Variants in MICAL3 observed in about 807,000 individuals in gnomAD.
MICAL3 encodes the protein [F-actin]-monooxygenase MICAL3.
In MICAL3, 62 loss-of-function variants were observed where a neutral mutation model predicts 207.4. The observed-to-expected ratio is 0.30, with a 90% CI of 0.24 to 0.37. MICAL3 has a LOEUF of 0.37. Among genes scored for constraint, MICAL3 ranks in the 10% least tolerant of loss-of-function variants. The pLI is 1.00. For synonymous variants in MICAL3, 1,077 were observed against 1,069.3 expected (o/e 1.01, Z -0.14); for missense variants, 2,368 against 2,635.6 (o/e 0.90, Z 2.22).
At chr22:17,892,222 T>C (rs1323432676) in intron 11 of MICAL3, among the ~76,000 whole-genome samples, 3 of 152,200 alleles carry the variant, frequency 2.0e-5, no homozygotes, top group Non-Finnish European at 4.4e-5. Context: ...GCTTGGCACC[T>C]TGTACTATGA....
intron 1 of MICAL3, among the ~76,000 whole-genome samples, chr22:17,949,209 C>T (rs999977772): frequency 6.6e-6 from 1 of 152,046 alleles, no homozygotes; most frequent in East Asian, 1.9e-4. Flanking sequence ...GAAATTATCT[C>T]GAAAATAAAT....
intron 21 of MICAL3, among the ~76,000 whole-genome samples, chr22:17,828,782 A>G (rs576529768): frequency 6.6e-6 from 1 of 152,316 alleles, no homozygotes; most frequent in South Asian, 2.1e-4. Context: ...CTGGGAAGGG[A>G]AGGTGGCTGT....
chr22:17,925,484 T>C (rs1394928452), intron 1 of MICAL3, among the ~76,000 whole-genome samples: 1 of 152,186 alleles, frequency 6.6e-6, no homozygotes, highest in Non-Finnish European at 1.5e-5. Flanking sequence ...AAGACGATTA[T>C]GGTTCAGTCA....
At chr22:17,821,611 G>A (rs1921650170) in intron 24 of MICAL3, 102 bp from the exon 25 acceptor site, 2 of 938,630 alleles carry the variant, frequency 2.1e-6, no homozygotes, top group Non-Finnish European at 3.2e-6. Flanking sequence ...AGGGTAGAGG[G>A]CGAGTCGCTG....
chr22:17,990,262 A>T (rs1254315269), intron 1 of MICAL3, among the ~76,000 whole-genome samples: 1 of 152,146 alleles, frequency 6.6e-6, no homozygotes, highest in Non-Finnish European at 1.5e-5. Flanking sequence ...TCCCCCTTGG[A>T]GGGCACTGTT....
At chr22:17,989,076 C>T (rs1252702111) in intron 1 of MICAL3, among the ~76,000 whole-genome samples, 2 of 152,304 alleles carry the variant, frequency 1.3e-5, no homozygotes, top group Non-Finnish European at 2.9e-5. Flanking sequence ...ACCTAAAACT[C>T]GACTTCCGCC....
intron 27 of MICAL3, chr22:17,815,816 C>A (rs1015103076): frequency 1.3e-5 from 2 of 152,438 alleles, no homozygotes; most frequent in African/African-American, 4.8e-5. Flanking sequence ...CAGGAGCCAT[C>A]TTCACCAAAT....
chr22:17,852,532 T>C (rs951694644), intron 19 of MICAL3, among the ~76,000 whole-genome samples: 7 of 152,242 alleles, frequency 4.6e-5, no homozygotes, highest in Non-Finnish European at 8.8e-5. Context: ...CGGGGCACCC[T>C]TTCTACAGCA....
At chr22:17,899,812 A>G (rs1931171140) in intron 6 of MICAL3, among the ~76,000 whole-genome samples, 1 of 152,064 alleles carries the variant, frequency 6.6e-6, no homozygotes, top group African/African-American at 2.4e-5. Context: ...GGGAATAAAA[A>G]CGAAACAAGC....
At chr22:17,807,126 T>C (rs1346919562) in intron 29 of MICAL3, among the ~76,000 whole-genome samples, 2 of 152,258 alleles carry the variant, frequency 1.3e-5, no homozygotes, top group Non-Finnish European at 2.9e-5. Context: ...TCTAATCCAC[T>C]GCTTTCCATC....
intron 2 of MICAL3, among the ~76,000 whole-genome samples, chr22:17,905,340 G>A (rs1259477393): frequency 6.6e-6 from 1 of 152,154 alleles, no homozygotes; most frequent in East Asian, 1.9e-4. Flanking sequence ...CCAAAGTTTT[G>A]TGTGCTAATA....
chr22:18,014,802 G>C (rs954791081), intron 1 of MICAL3, among the ~76,000 whole-genome samples: 1 of 152,138 alleles, frequency 6.6e-6, no homozygotes, highest in Non-Finnish European at 1.5e-5. Context: ...GACCATCCTA[G>C]CTAACACGGT....
intron 5 of MICAL3, 105 bp from the exon 6 acceptor site, chr22:17,901,102 T>A: frequency 9.3e-7 from 1 of 1,072,306 alleles, no homozygotes; most frequent in Non-Finnish European, 1.4e-6. Flanking sequence ...AAGTCAGGGA[T>A]GAGAACTGAT....
At chr22:17,880,408 G>A (rs1322111642) in intron 16 of MICAL3, among the ~76,000 whole-genome samples, 1 of 152,244 alleles carries the variant, frequency 6.6e-6, no homozygotes, top group East Asian at 1.9e-4. Flanking sequence ...CTCTTGTGTA[G>A]ATGAAGGCAC....
intron 1 of MICAL3, among the ~76,000 whole-genome samples, chr22:17,917,772 T>C (rs1932626478): frequency 6.6e-6 from 1 of 152,200 alleles, no homozygotes; most frequent in African/African-American, 2.4e-5. Flanking sequence ...TCTTCAGGTC[T>C]TGGCTCACCT....
At chr22:18,013,485 C>T (rs990030031) in intron 1 of MICAL3, among the ~76,000 whole-genome samples, 2 of 152,128 alleles carry the variant, frequency 1.3e-5, no homozygotes, top group Admixed American at 6.5e-5. Context: ...GAATCTGAAC[C>T]CAAGTCTGTC....
chr22:17,963,754 T>C (rs994954223), intron 1 of MICAL3, among the ~76,000 whole-genome samples: 3 of 152,172 alleles, frequency 2.0e-5, no homozygotes, highest in South Asian at 2.1e-4. Context: ...GGAGGGTCGC[T>C]TCTGTGTCTC....
At chr22:17,996,085 G>A (rs931913827) in intron 1 of MICAL3, among the ~76,000 whole-genome samples, 6 of 143,918 alleles carry the variant, frequency 4.2e-5, no homozygotes, top group African/African-American at 1.3e-4. Flanking sequence ...AACCATGATC[G>A]CACCACTGCA....
intron 19 of MICAL3, among the ~76,000 whole-genome samples, chr22:17,849,309 C>T (rs1029834878): frequency 6.6e-6 from 1 of 152,172 alleles, no homozygotes; most frequent in Non-Finnish European, 1.5e-5. Flanking sequence ...ACCCTAGTCT[C>T]TAAGAGTCCT....
Sources: gnomAD v4.1 joint callset for allele counts (sites outside exome capture counted in the v4.1 genomes callset) on GRCh38, gnomAD v4.1.1 for gene constraint, MANE v1.5 for transcripts, NCBI Gene and HGNC (gene_info 2026-07-23, HGNC 2026-07-21) for gene names.